CDC42BPB: variants seen among roughly 807,000 people sequenced by gnomAD.
The protein encoded by CDC42BPB is serine/threonine-protein kinase MRCK beta.
CDC42BPB carries 37 observed loss-of-function variants against 214.9 expected under a neutral mutation model. The observed-to-expected ratio is 0.17, with a 90% CI of 0.13 to 0.23. The LOEUF is 0.23. Among genes scored for constraint, CDC42BPB ranks in the 10% least tolerant of loss-of-function variants. The probability of loss-of-function intolerance (pLI) is 1.00; values close to 1 mark genes in which losing one functional copy is unlikely to be tolerated. For missense variants in CDC42BPB, 1,694 were observed against 2,227.0 expected, an observed-to-expected ratio of 0.76 and a Z score of 4.82; for synonymous variants, 931 against 884.0, an observed-to-expected ratio of 1.05 and a Z score of -0.94.
intron 9 of CDC42BPB, among the ~76,000 whole-genome samples, chr14:102,976,605 G>A (rs1893758568): frequency 6.6e-6 from 1 of 152,232 alleles, no homozygotes; most frequent in Non-Finnish European, 1.5e-5. Flanking sequence ...TCATTTAATA[G>A]CTTAATTCTT....
Position 102,968,734 on chromosome 14 carries a change from C to A in CDC42BPB, c.1996-18G>T. Reference sequence around the variant, plus strand: ...TGCTTCACCTGAAGACAAAGGTTAACATAAATTGACAAACCTCTGTGTCCT... The same window carrying A: ...TGCTTCACCTGAAGACAAAGGTTAAAATAAATTGACAAACCTCTGTGTCCT... On this transcript the variant is annotated intron_variant, in intron 14 of 36. Coordinates refer to ENST00000361246, the MANE Select transcript of CDC42BPB (RefSeq NM_006035.4). 6.2e-7 allele frequency: 1 copy of A among 1,612,066 alleles called. No individual in the cohort carries two copies. The highest frequency in any genetic ancestry group is 8.5e-7 in the Non-Finnish European group (1 of 1,179,634).
At chr14:102,989,953 CT>C (rs765398338) in intron 5 of CDC42BPB, among the ~76,000 whole-genome samples, 26 of 152,092 alleles carry the variant, frequency 1.7e-4, no homozygotes, top group Non-Finnish European at 3.1e-4. Flanking sequence ...AAGGTATCAC[CT>C]TTTGCTTAAC....
chr14:102,972,881 A>T (rs1459634459), intron 12 of CDC42BPB, among the ~76,000 whole-genome samples: 1 of 152,122 alleles, frequency 6.6e-6, no homozygotes, highest in African/African-American at 2.4e-5. Flanking sequence ...ACATAAGCAA[A>T]ATCAAAAAGA....
At chr14:103,045,479 C>T (rs528503423) in intron 1 of CDC42BPB, among the ~76,000 whole-genome samples, 24 of 151,840 alleles carry the variant, frequency 1.6e-4, no homozygotes, top group African/African-American at 5.6e-4. Context: ...GAGGAGCAGG[C>T]GCTGTCCAGC....
chr14:102,967,437 A>G, intron 16 of CDC42BPB: 1 of 781,592 alleles, frequency 1.3e-6, no homozygotes, highest in Non-Finnish European at 1.6e-6. Flanking sequence ...ATCCTATTTA[A>G]AAGACCAAAC....
chr14:102,933,574 A>T lies in CDC42BPB; in HGVS notation c.*138T>A. On this transcript the variant is annotated 3_prime_UTR_variant, in exon 37 of 37. Transcript: ENST00000361246. ...GCATAAAACTGATCAATATTATAAT[A>T]AAGATTTGTCTTCTTCATCTCCATA... The T allele has an allele frequency of 1.5e-6, 1 of 679,054 alleles. No individual in the cohort carries two copies. Among genetic ancestry groups the T allele is most frequent in the Non-Finnish European group, 2.2e-6 (1 of 450,076 alleles). 42.1% of individuals were successfully genotyped at this position (679,054 alleles called of 1,614,324 possible).
intron 1 of CDC42BPB, among the ~76,000 whole-genome samples, chr14:103,036,243 C>T (rs1295931600): frequency 6.6e-6 from 1 of 151,410 alleles, no homozygotes. Context: ...AGCTCCCCCT[C>T]CTGGGTTCAC....
At chr14:102,949,560 G>A (rs896837463) in intron 26 of CDC42BPB, among the ~76,000 whole-genome samples, 2 of 152,148 alleles carry the variant, frequency 1.3e-5, no homozygotes, top group African/African-American at 2.4e-5. Flanking sequence ...CCGTTCCTGC[G>A]CACGCAGGCC....
At chr14:102,936,491 C>T (rs746430809) in intron 36 of CDC42BPB, among the ~76,000 whole-genome samples, 2 of 151,320 alleles carry the variant, frequency 1.3e-5, no homozygotes, top group African/African-American at 4.9e-5. Context: ...GAGCTAGGCA[C>T]AAAAGGTCAA....
intron 21 of CDC42BPB, among the ~76,000 whole-genome samples, chr14:102,957,674 C>G (rs548030793): frequency 6.6e-6 from 1 of 152,228 alleles, no homozygotes. Flanking sequence ...AACAGGTGTG[C>G]GTCCAGAGTG....
rs1892032423 is a variant in CDC42BPB, at chr14:102,944,111, C to T, written c.4188G>A (p.Leu1396=). Reference sequence around the variant, plus strand: ...GCTGCCCGTCCCCCTGGATGCTCAGCAGGCAGAACCCAGAAGGGTAGCCCA... The same window carrying T: ...GCTGCCCGTCCCCCTGGATGCTCAGTAGGCAGAACCCAGAAGGGTAGCCCA... ...LCVGYPSGFC[L]LSIQGDGQPL... The change falls in exon 30 of 37, where the codon CTG becomes CTA. Residue 1396 remains leucine (L), a synonymous_variant. Coordinates refer to ENST00000361246, the MANE Select transcript of CDC42BPB (RefSeq NM_006035.4). This position sits in a 1 kb window ranked among gnomAD's most constrained non-coding sequence, Gnocchi z 6.6. The T allele has an allele frequency of 1.9e-6, 3 of 1,613,350 alleles. No individual in the cohort carries two copies. The highest frequency in any genetic ancestry group is 2.5e-6 in the Non-Finnish European group (3 of 1,180,000).
intron 1 of CDC42BPB, among the ~76,000 whole-genome samples, chr14:103,044,529 C>A (rs1333008139): frequency 1.3e-5 from 2 of 152,218 alleles, no homozygotes; most frequent in East Asian, 3.9e-4. Flanking sequence ...GCCACCATGC[C>A]CGGCTAACTT....
In CDC42BPB at chr14:102,973,254, C is replaced by T. The variant is rs377042850; in HGVS notation, c.1641+762G>A. ...ACTGCACTTCTAGACAAATCACTCACGTGGATGACCCACAGATTATCTTAA... is the reference window on the plus strand; with the variant it reads ...ACTGCACTTCTAGACAAATCACTCATGTGGATGACCCACAGATTATCTTAA... On this transcript the variant is annotated intron_variant, in intron 12 of 36. Transcript: ENST00000361246. Among the ~76,000 whole-genome samples, 60 of 152,334 alleles carry T rather than the reference C, an allele frequency of 3.9e-4. No homozygotes were observed. In the East Asian group the frequency reaches 0.01, roughly 25 times the overall value.
At chr14:103,056,105 A>G (rs2139805617) in intron 1 of CDC42BPB, among the ~76,000 whole-genome samples, 1 of 152,330 alleles carries the variant, frequency 6.6e-6, no homozygotes, top group East Asian at 1.9e-4. Context: ...TGGTTTAATC[A>G]AATTTTTGTC....
chr14:103,030,550 GCTGAGT>G (rs1887310521), intron 1 of CDC42BPB, among the ~76,000 whole-genome samples: 3 of 152,006 alleles, frequency 2.0e-5, no homozygotes, highest in Non-Finnish European at 4.4e-5. Context: ...ATAAAAATTA[GCTGAGT>G]GTGGTGGTGC....
chr14:102,985,064 T>C (rs994964100), intron 6 of CDC42BPB, among the ~76,000 whole-genome samples: 1 of 151,570 alleles, frequency 6.6e-6, no homozygotes, highest in Non-Finnish European at 1.5e-5. Context: ...GGGTAACCCA[T>C]GCTCTGGTTA....
chr14:102,948,981 C>T (rs1892351165), intron 26 of CDC42BPB, among the ~76,000 whole-genome samples: 1 of 152,108 alleles, frequency 6.6e-6, no homozygotes, highest in Non-Finnish European at 1.5e-5. Flanking sequence ...GGTACCCACC[C>T]AGCAGCCCTG....
intron 1 of CDC42BPB, among the ~76,000 whole-genome samples, chr14:103,034,234 A>C (rs141275088): frequency 1.1e-3 from 170 of 152,360 alleles, no homozygotes; most frequent in African/African-American, 3.8e-3. Flanking sequence ...AAAAACATTT[A>C]AGGCCAGGCG....
chr14:102,939,432 GT>G (rs1469480764), intron 34 of CDC42BPB, among the ~76,000 whole-genome samples, 177 bp downstream of exon 34: 1 of 152,220 alleles, frequency 6.6e-6, no homozygotes, highest in Non-Finnish European at 1.5e-5. Flanking sequence ...TTGTGACAGG[GT>G]AAGTGCTCGT....
Sources: allele counts gnomAD v4.1 joint callset (sites outside exome capture counted in the v4.1 genomes callset), GRCh38; gene constraint gnomAD v4.1.1; non-coding constraint Gnocchi (gnomAD v3.1); transcripts MANE v1.5; gene names NCBI Gene and HGNC (gene_info 2026-07-23, HGNC 2026-07-21).